DLG2: variants seen among roughly 807,000 people sequenced by gnomAD.
DLG2 encodes the protein disks large homolog 2.
A neutral mutation model predicts 132.5 loss-of-function variants in DLG2; 45 were observed. The observed-to-expected ratio is 0.34, with a 90% confidence interval of 0.27 to 0.44. DLG2 has a LOEUF of 0.44. Ranked by LOEUF, DLG2 falls within the 20% of genes least tolerant of loss-of-function variation. The pLI is 1.00. For missense variants in DLG2, 1,045 were observed against 1,196.9 expected, an observed-to-expected ratio of 0.87 and a Z score of 1.87; for synonymous variants, 424 against 419.6, an observed-to-expected ratio of 1.01 and a Z score of -0.13.
intron 6 of DLG2, among the ~76,000 whole-genome samples, chr11:84,758,636 C>A (rs1481510516): frequency 1.3e-5 from 2 of 152,018 alleles, no homozygotes; most frequent in Non-Finnish European, 2.9e-5. Flanking sequence ...TTAAATCATA[C>A]CATAAATGAC....
intron 3 of DLG2, among the ~76,000 whole-genome samples, chr11:85,518,020 C>T (rs2094203195): frequency 6.6e-6 from 1 of 152,202 alleles, no homozygotes; most frequent in Non-Finnish European, 1.5e-5. Context: ...TGCAAGGCTT[C>T]CCCAGCCATG....
At chr11:85,445,265 G>T (rs1307205434) in intron 3 of DLG2, among the ~76,000 whole-genome samples, 1 of 152,182 alleles carries the variant, frequency 6.6e-6, no homozygotes, top group East Asian at 1.9e-4. Context: ...GAAACAGGCA[G>T]AAATGGACTC....
At chr11:85,166,108 C>T (rs554955258) in intron 4 of DLG2, among the ~76,000 whole-genome samples, 7 of 152,180 alleles carry the variant, frequency 4.6e-5, no homozygotes, top group South Asian at 4.1e-4. Flanking sequence ...ACATTTCACA[C>T]GATTGACCTC....
intron 6 of DLG2, among the ~76,000 whole-genome samples, chr11:84,752,037 G>A (rs914690323): frequency 1.3e-5 from 2 of 152,230 alleles, no homozygotes; most frequent in East Asian, 1.9e-4. Context: ...GAAGATGGCC[G>A]AGTCCAGGGA....
chr11:85,016,861 T>C (rs946749239), intron 6 of DLG2, among the ~76,000 whole-genome samples: 3 of 152,026 alleles, frequency 2.0e-5, no homozygotes, highest in Non-Finnish European at 4.4e-5. Context: ...CCCAGAAAGC[T>C]AACCCACAGC....
In DLG2 at chr11:84,044,259, C is replaced by A. The variant is rs562226773; in HGVS notation, c.919+15056G>T. On this transcript the variant is annotated intron_variant, in intron 11 of 27. Transcript: ENST00000376104. ...ACATTAGAACACCACCTAATACATA[C>A]CAGGTGCTTAATAGATTAGATTACA... Among the ~76,000 whole-genome samples, 10 of 151,748 alleles carry A rather than the reference C, an allele frequency of 6.6e-5. No individual in the cohort carries two copies. In the Admixed American group the frequency reaches 6.6e-4, roughly 10 times the overall value.
intron 8 of DLG2, among the ~76,000 whole-genome samples, chr11:84,192,657 G>C (rs2096434902): frequency 6.6e-6 from 1 of 152,286 alleles, no homozygotes; most frequent in East Asian, 1.9e-4. Flanking sequence ...TTGAACCCAG[G>C]AGGTGGAGGT....
chr11:85,114,078 G>C (rs1160655962), intron 5 of DLG2, among the ~76,000 whole-genome samples: 1 of 151,980 alleles, frequency 6.6e-6, no homozygotes, highest in African/African-American at 2.4e-5. Context: ...TACTTCTAAA[G>C]AAGGCAAGAT....
At chr11:84,599,690 C>G (rs2099571221) in intron 6 of DLG2, among the ~76,000 whole-genome samples, 1 of 152,098 alleles carries the variant, frequency 6.6e-6, no homozygotes, top group Non-Finnish European at 1.5e-5. Context: ...AAGTGGTACT[C>G]TGAGGCCAAT....
intron 7 of DLG2, among the ~76,000 whole-genome samples, chr11:84,343,201 A>T (rs2098523557): frequency 6.6e-6 from 1 of 152,346 alleles, no homozygotes; most frequent in South Asian, 2.1e-4. Flanking sequence ...CAGGAAGAGA[A>T]GAGAGAGCTG....
intron 6 of DLG2, among the ~76,000 whole-genome samples, chr11:85,054,215 A>C (rs2063217055): frequency 2.6e-5 from 4 of 151,884 alleles, no homozygotes; most frequent in Admixed American, 2.6e-4. Flanking sequence ...CAGTGAGCCG[A>C]GATCATACCA....
At chr11:84,308,903 CCGCCCG>C (rs2098259391) in intron 7 of DLG2, among the ~76,000 whole-genome samples, 1 of 152,212 alleles carries the variant, frequency 6.6e-6, no homozygotes, top group Admixed American at 6.5e-5. Flanking sequence ...GCCCCAGTTC[CCGCCCG>C]CGCCTCTCCC....
chr11:83,605,985 C>CAT (rs1052495335), intron 19 of DLG2, among the ~76,000 whole-genome samples: 1 of 152,222 alleles, frequency 6.6e-6, no homozygotes, highest in African/African-American at 2.4e-5. Flanking sequence ...GAGAAGGGAA[C>CAT]ATACATTTGT....
intron 21 of DLG2, among the ~76,000 whole-genome samples, chr11:83,515,636 T>C (rs1052745821): frequency 6.6e-6 from 1 of 152,246 alleles, no homozygotes; most frequent in African/African-American, 2.4e-5. Flanking sequence ...TTTTAGATCT[T>C]TCCTGCTTTC....
At chr11:84,086,113 A>C (rs936750287) in intron 10 of DLG2, among the ~76,000 whole-genome samples, 4 of 152,202 alleles carry the variant, frequency 2.6e-5, no homozygotes, top group Non-Finnish European at 5.9e-5. Flanking sequence ...TGGAGCCCCA[A>C]ACAAATGGTA....
intron 10 of DLG2, among the ~76,000 whole-genome samples, chr11:84,070,853 C>A (rs922197700): frequency 1.3e-5 from 2 of 152,152 alleles, no homozygotes; most frequent in Non-Finnish European, 2.9e-5. Flanking sequence ...GTCAACCCAG[C>A]CTGGCACCTA....
chr11:85,218,618 G>T (rs1048947735), intron 4 of DLG2, among the ~76,000 whole-genome samples: 3 of 152,142 alleles, frequency 2.0e-5, no homozygotes, highest in Admixed American at 6.6e-5. Flanking sequence ...CTATTGTTGA[G>T]AATGTAAATT....
intron 7 of DLG2, among the ~76,000 whole-genome samples, chr11:84,508,175 A>AT (rs908538686): frequency 2.6e-5 from 4 of 152,072 alleles, no homozygotes; most frequent in Non-Finnish European, 5.9e-5. Flanking sequence ...TGCTCTACCT[A>AT]TTTTAACTTC....
At chr11:84,143,466 T>C (rs773161418) in intron 9 of DLG2, among the ~76,000 whole-genome samples, 1 of 152,194 alleles carries the variant, frequency 6.6e-6, no homozygotes, top group African/African-American at 2.4e-5. Context: ...TAAGTCTATA[T>C]AGACCAAACA....
Sources: allele counts gnomAD v4.1 joint callset (sites outside exome capture counted in the v4.1 genomes callset), GRCh38; gene constraint gnomAD v4.1.1; transcripts MANE v1.5; gene names NCBI Gene and HGNC (gene_info 2026-07-23, HGNC 2026-07-21).